HCLS1: variants seen among roughly 807,000 people sequenced by gnomAD.
HCLS1 encodes the protein hematopoietic lineage cell-specific protein.
In HCLS1, 44 loss-of-function variants were observed where a neutral mutation model predicts 68.6. The ratio of observed to expected loss-of-function variants is 0.64; its 90% CI spans 0.50 to 0.82. The LOEUF (loss-of-function observed/expected upper bound fraction) is 0.82. HCLS1 is among the 40% of genes least tolerant of loss of function. The probability of loss-of-function intolerance (pLI) is 0.00; values close to 1 mark genes in which losing one functional copy is unlikely to be tolerated. For missense variants in HCLS1, 602 were observed against 612.1 expected (o/e 0.98, Z 0.17); for synonymous variants, 217 against 225.8 (o/e 0.96, Z 0.35).
At position 121,636,503 on chromosome 3, in the gene HCLS1, A is replaced by G. The variant is rs777954273; in HGVS notation, c.566-14T>C. On this transcript the variant is annotated splice_polypyrimidine_tract_variant and intron_variant, in intron 7 of 13. Coordinates refer to ENST00000314583, the MANE Select transcript of HCLS1 (RefSeq NM_005335.6). ...CCTTGGCATAATCTGCAGGACAGAA[A>G]GTTCTGAGTTATAGGAGATCAAAAT... is the stretch of plus-strand genomic sequence containing the variant. 3 of 1,610,500 alleles carry G rather than the reference A, an allele frequency of 1.9e-6. No individual in the cohort carries two copies. Among genetic ancestry groups the G allele is most frequent in the Non-Finnish European group, 1.7e-6 (2 of 1,176,736 alleles).
At chr3:121,637,328 G>A in intron 6 of HCLS1, 72 bp from the exon 7 acceptor site, 1 of 991,936 alleles carries the variant, frequency 1.0e-6, no homozygotes, top group Non-Finnish European at 1.6e-6. Flanking sequence ...GGAGAAGAGA[G>A]GTCAGCAGGA....
intron 6 of HCLS1, among the ~76,000 whole-genome samples, chr3:121,642,543 T>C (rs1231388963): frequency 1.3e-5 from 2 of 151,188 alleles, no homozygotes; most frequent in East Asian, 2.0e-4. Flanking sequence ...TTTGAGAGGG[T>C]GAGAGGGGAG....
chr3:121,647,664 T>C (rs930208185), intron 3 of HCLS1, among the ~76,000 whole-genome samples: 5 of 152,236 alleles, frequency 3.3e-5, no homozygotes, highest in African/African-American at 1.2e-4. Context: ...ATATTTCCTC[T>C]AGTCTGTTAT....
intron 6 of HCLS1, among the ~76,000 whole-genome samples, chr3:121,641,864 G>T (rs1289452325): frequency 6.6e-6 from 1 of 151,886 alleles, no homozygotes; most frequent in Non-Finnish European, 1.5e-5. Context: ...GGCAGATCAC[G>T]AGGTCAGAAG....
Position 121,632,632 on chromosome 3 carries a change from A to AC in HCLS1, c.1009-70_1009-69insG. 2.8e-6 allele frequency: 4 copies of AC among 1,424,866 alleles called. 1 individual carries two copies. Among genetic ancestry groups the AC allele is most frequent in the South Asian group, 1.2e-5 (1 of 82,134 alleles). The allele number at this position is 1,424,866 out of a possible 1,614,324, so 88.3% of individuals were successfully genotyped here. On this transcript the variant is annotated intron_variant, in intron 11 of 13. Coordinates refer to ENST00000314583, the MANE Select transcript of HCLS1 (RefSeq NM_005335.6). ...GAGGAATCAATGGAGGACTGATAAG[A>AC]TCCCCCGCCCTTCACCACCCTGCCT...
intron 6 of HCLS1, among the ~76,000 whole-genome samples, chr3:121,637,574 T>A (rs181117448): frequency 1.7e-3 from 263 of 152,060 alleles, no homozygotes; most frequent in African/African-American, 5.8e-3. Context: ...ACATGAAATG[T>A]ATGCCTTTCC....
intron 4 of HCLS1, among the ~76,000 whole-genome samples, chr3:121,647,077 G>A (rs529798702): frequency 9.3e-5 from 14 of 149,978 alleles, no homozygotes; most frequent in African/African-American, 3.4e-4. Flanking sequence ...TGCCTCCCAG[G>A]TTCACGCCAT....
chr3:121,658,481 T>C (rs1355603839), intron 1 of HCLS1, 134 bp from the exon 2 acceptor site: 4 of 681,374 alleles, frequency 5.9e-6, no homozygotes, highest in Non-Finnish European at 7.7e-6. Context: ...AAATAGAAAA[T>C]GAAGCAAAGC....
At chr3:121,643,289 T>C (rs763554816) in intron 5 of HCLS1, 5 of 239,828 alleles carry the variant, frequency 2.1e-5, no homozygotes, top group Non-Finnish European at 4.2e-5. Context: ...GAGGCATGCC[T>C]GCCTTATCTA....
At chr3:121,650,509 A>T (rs922122598) in intron 3 of HCLS1, among the ~76,000 whole-genome samples, 1 of 152,186 alleles carries the variant, frequency 6.6e-6, no homozygotes, top group African/African-American at 2.4e-5. Context: ...CCAGAAATAG[A>T]CCCACATGTA....
chr3:121,652,376 G>T (rs1188102630), intron 3 of HCLS1, among the ~76,000 whole-genome samples: 1 of 152,032 alleles, frequency 6.6e-6, no homozygotes, highest in African/African-American at 2.4e-5. Flanking sequence ...TTTTTGCCTG[G>T]GCAATGGTGG....
intron 6 of HCLS1, among the ~76,000 whole-genome samples, chr3:121,639,822 G>C (rs1305573756): frequency 6.6e-6 from 1 of 152,140 alleles, no homozygotes; most frequent in Non-Finnish European, 1.5e-5. Context: ...GTAAAGGAAG[G>C]CTTAAAATCA....
At chr3:121,642,238 T>C (rs568320350) in intron 6 of HCLS1, among the ~76,000 whole-genome samples, 1 of 147,076 alleles carries the variant, frequency 6.8e-6, no homozygotes, top group Non-Finnish European at 1.5e-5. Flanking sequence ...GTCGGGTGGA[T>C]CACGAGGTCA....
intron 6 of HCLS1, among the ~76,000 whole-genome samples, chr3:121,638,231 T>TA (rs971757908): frequency 6.6e-5 from 10 of 151,488 alleles, no homozygotes; most frequent in South Asian, 2.1e-4. Context: ...CTTGCTAATT[T>TA]AAAAAAAAAT....
chr3:121,652,032 C>T (rs966797608), intron 3 of HCLS1, among the ~76,000 whole-genome samples: 7 of 152,112 alleles, frequency 4.6e-5, no homozygotes, highest in Non-Finnish European at 8.8e-5. Context: ...TGTGACATAT[C>T]CATACAATGG....
At position 121,634,390 on chromosome 3, in the gene HCLS1, C is replaced by T. The variant is rs750027205; in HGVS notation, c.720G>A (p.Ala240=). ...TCTCCTCAGCCATGGACTCAAATTTCGCCTTCAGCCCACGGGTACCACTAG... is the reference window on the plus strand; with the variant it reads ...TCTCCTCAGCCATGGACTCAAATTTTGCCTTCAGCCCACGGGTACCACTAG... The part of the protein sequence containing the change: ...AASSGTRGLK[A]KFESMAEEKR... The change falls in exon 10 of 14, where the codon GCG becomes GCA. Residue 240 remains alanine (A), a synonymous_variant. Coordinates refer to ENST00000314583, the MANE Select transcript of HCLS1 (RefSeq NM_005335.6). 29 of 1,614,010 alleles carry T rather than the reference C, an allele frequency of 1.8e-5. No homozygotes were observed. Among genetic ancestry groups the T allele is most frequent in the African/African-American group, 4.0e-5 (3 of 74,916 alleles).
In HCLS1 at chr3:121,657,297, C is replaced by A; in HGVS notation, c.140G>T (p.Gly47Val). The A allele has an allele frequency of 6.2e-7, 1 of 1,614,102 alleles. No individual in the cohort carries two copies. The highest frequency in any genetic ancestry group is 1.3e-5 in the African/African-American group (1 of 75,038). ...RWGAKTIEGSGRTEHINIHQL... is the reference protein window; with the variant it reads ...RWGAKTIEGSVRTEHINIHQL... The stretch of plus-strand genomic sequence containing the variant: ...CACCTACTTGATGTGTTCTGTGCGT[C>A]CAGACCCCTCGATGGTCTTGGCTCC... Residue 47 changes from glycine to valine, a missense_variant, in exon 3 of 14, where the codon GGA becomes GTA. Physicochemically the swap from Gly to Val is moderately radical, Grantham distance 109. Transcript: ENST00000314583.
chr3:121,633,015 TA>T, intron 11 of HCLS1, 51 bp downstream of exon 11: 1 of 1,304,444 alleles, frequency 7.7e-7, no homozygotes, highest in Non-Finnish European at 1.1e-6. Flanking sequence ...CCCACATTCC[TA>T]AGACTCGAGA....
At chr3:121,650,193 A>G (rs922153584) in intron 3 of HCLS1, among the ~76,000 whole-genome samples, 4 of 152,246 alleles carry the variant, frequency 2.6e-5, no homozygotes, top group Non-Finnish European at 5.9e-5. Context: ...ATGGAGAGAT[A>G]TCCCATGTTC....
Sources: gnomAD v4.1 joint callset for allele counts (sites outside exome capture counted in the v4.1 genomes callset) on GRCh38, gnomAD v4.1.1 for gene constraint, MANE v1.5 for transcripts, NCBI Gene and HGNC (gene_info 2026-07-23, HGNC 2026-07-21) for gene names.